SKIL: variants seen among roughly 807,000 people sequenced by gnomAD.
SKIL encodes SKI like proto-oncogene, also known as ski-like protein.
SKIL carries 20 observed loss-of-function variants against 69.6 expected under a neutral mutation model. That is an observed-to-expected ratio of 0.29 (90% CI 0.20 to 0.42). The LOEUF is 0.42. Among genes scored for constraint, SKIL ranks in the 10% least tolerant of loss-of-function variants. The pLI is 1.00. For synonymous variants in SKIL, 310 were observed against 279.9 expected, an observed-to-expected ratio of 1.11 and a Z score of -1.08; for missense variants, 745 against 783.1, an observed-to-expected ratio of 0.95 and a Z score of 0.58.
In SKIL at chr3:170,364,128, A is replaced by AT. The variant is rs1465568571; in HGVS notation, c.1098+2703dup. On this transcript the variant is annotated intron_variant, in intron 2 of 6. Transcript: ENST00000259119. ...GCCATGCCCAGCTAATTTCTTTTGT[A>AT]TTTTAGTAGAGAGGGGGTTTCACCA... 4.0e-5 allele frequency among the ~76,000 whole-genome samples: 6 copies of AT among 151,154 alleles called. No homozygotes were observed. The East Asian group carries it at 1.2e-3, about 30-fold the overall frequency.
chr3:170,368,562 T>TTA (rs1736652326), intron 2 of SKIL, among the ~76,000 whole-genome samples: 1 of 152,214 alleles, frequency 6.6e-6, no homozygotes, highest in Non-Finnish European at 1.5e-5. Context: ...ATTTTGGAAG[T>TTA]TAAGAGCCTT....
In SKIL at chr3:170,394,438, T is replaced by C. The variant is rs1256272309; in HGVS notation, c.*2021T>C. 6.6e-6 allele frequency: 1 copy of C among 151,856 alleles called. No homozygotes were observed. The highest frequency in any genetic ancestry group is 1.5e-5 in the Non-Finnish European group (1 of 68,000). The allele number at this position is 151,856 out of a possible 1,614,324, so 9.4% of individuals were successfully genotyped here. A position where few individuals can be genotyped will look rare whatever the true frequency, so the allele number is the denominator to read the frequency against. On this transcript the variant is annotated 3_prime_UTR_variant, in exon 7 of 7. Coordinates refer to ENST00000259119, the MANE Select transcript of SKIL (RefSeq NM_005414.5). ...CAGCTCAGCTTTTTGGAAGACAAACTCAAACACCTATAATTTCATTTATAT... is the reference window on the plus strand; with the variant it reads ...CAGCTCAGCTTTTTGGAAGACAAACCCAAACACCTATAATTTCATTTATAT...
intron 2 of SKIL, among the ~76,000 whole-genome samples, chr3:170,364,433 C>T (rs936197980): frequency 6.6e-6 from 1 of 150,674 alleles, no homozygotes; most frequent in African/African-American, 2.4e-5. Flanking sequence ...AAGTGATTCT[C>T]CTGTCTCAGC....
intron 2 of SKIL, among the ~76,000 whole-genome samples, chr3:170,376,592 A>T (rs1389043421): frequency 6.6e-6 from 1 of 151,722 alleles, no homozygotes; most frequent in Non-Finnish European, 1.5e-5. Context: ...TATTTTTTTA[A>T]CGAGACAGGG....
At chr3:170,386,953 T>C (rs1737662901) in intron 4 of SKIL, among the ~76,000 whole-genome samples, 1 of 152,194 alleles carries the variant, frequency 6.6e-6, no homozygotes, top group African/African-American at 2.4e-5. Flanking sequence ...TACAATTCAG[T>C]GGTTTTTAAT....
intron 6 of SKIL, 137 bp from the exon 7 acceptor site, chr3:170,392,122 A>T: frequency 1.6e-6 from 1 of 642,998 alleles, no homozygotes; most frequent in Non-Finnish European, 2.6e-6. Flanking sequence ...TAATAGTATT[A>T]GATGCTTAAT....
chr3:170,389,305 A>T (rs1293175400), intron 4 of SKIL, among the ~76,000 whole-genome samples: 3 of 148,804 alleles, frequency 2.0e-5, no homozygotes, highest in African/African-American at 7.4e-5. Flanking sequence ...TGTTGAAAAG[A>T]TTATTCTTTC....
intron 3 of SKIL, 144 bp from the exon 4 acceptor site, chr3:170,384,389 G>T: frequency 1.9e-6 from 1 of 533,438 alleles, no homozygotes; most frequent in Non-Finnish European, 3.3e-6. Context: ...ATTCTTTACT[G>T]TGACCTTTAT....
In SKIL at chr3:170,384,575, G is replaced by A; in HGVS notation, c.1239G>A (p.Val413=). 3 of 1,611,582 alleles carry A rather than the reference G, an allele frequency of 1.9e-6. No individual in the cohort carries two copies. The highest frequency in any genetic ancestry group is 8.5e-7 in the Non-Finnish European group (1 of 1,178,636). ...GTGATAAAGTGGTTGCCCCAAATGT[G>A]TCACTTACTTCTGCTGTATCCCAGT... ...YMCDKVVAPN[V]SLTSAVSQSK... Residue 413 remains valine (V), a synonymous_variant, in exon 4 of 7, where the codon GTG becomes GTA. Coordinates refer to ENST00000259119, the MANE Select transcript of SKIL (RefSeq NM_005414.5).
intron 4 of SKIL, among the ~76,000 whole-genome samples, chr3:170,387,072 C>G (rs919057616): frequency 7.2e-5 from 11 of 151,830 alleles, no homozygotes; most frequent in African/African-American, 2.4e-4. Flanking sequence ...GGCTAGAGTG[C>G]AGTGGGGTGA....
Position 170,396,143 on chromosome 3 carries a change from T to G in SKIL, c.*3726T>G, listed in dbSNP as rs1738173908. On this transcript the variant is annotated 3_prime_UTR_variant, in exon 7 of 7. Transcript: ENST00000259119. Reference sequence around the variant, plus strand: ...ATTTTTGAATTAGAAAGTGATCAAATGTAAGAAAAAAATTTAAAAATTCAG... The same window carrying G: ...ATTTTTGAATTAGAAAGTGATCAAAGGTAAGAAAAAAATTTAAAAATTCAG... 1 of 151,862 alleles carries G rather than the reference T, an allele frequency of 6.6e-6. No homozygotes were observed. 9.4% of individuals were successfully genotyped at this position (151,862 alleles called of 1,614,324 possible).
Position 170,360,084 on chromosome 3 carries a change from G to A in SKIL, c.-248G>A, listed in dbSNP as rs1048400165. 1 of 392,350 alleles carries A rather than the reference G, an allele frequency of 2.5e-6. No homozygotes were observed. The highest frequency in any genetic ancestry group is 4.5e-6 in the Non-Finnish European group (1 of 221,048). The allele number at this position is 392,350 out of a possible 1,614,324, so 24.3% of individuals were successfully genotyped here. A position where few individuals can be genotyped will look rare whatever the true frequency, so the allele number is the denominator to read the frequency against. ...AGAAAACAAAGGCATCCTCAGAGGT[G>A]TGCCTCTTTTCTTTATTATTAGAGG... On this transcript the variant is annotated 5_prime_UTR_variant, in exon 2 of 7. It adds an upstream start codon to the 5' untranslated region. Coordinates refer to ENST00000259119, the MANE Select transcript of SKIL (RefSeq NM_005414.5).
chr3:170,360,556 T>C lies in SKIL; in HGVS notation c.225T>C (p.Ser75=), dbSNP rs536242425. The C allele has an allele frequency of 1.3e-5, 21 of 1,614,252 alleles. 2 individuals carry two copies. The South Asian group carries it at 2.2e-4, about 17-fold the overall frequency. The change falls in exon 2 of 7, where the codon TCT becomes TCC. Residue 75 remains serine (S), a synonymous_variant. Coordinates refer to ENST00000259119, the MANE Select transcript of SKIL (RefSeq NM_005414.5). The part of the protein sequence containing the change: ...DGEHVKRTCT[S]VPETLHLNPS... ...AGCATGTTAAGCGAACCTGTACTTCTGTTCCTGAAACTTTGCATTTAAATC... is the reference window on the plus strand; with the variant it reads ...AGCATGTTAAGCGAACCTGTACTTCCGTTCCTGAAACTTTGCATTTAAATC...
chr3:170,366,696 G>GAC lies in SKIL; in HGVS notation c.1098+5285_1098+5286dup, dbSNP rs376902100. 9.2e-4 allele frequency among the ~76,000 whole-genome samples: 136 copies of GAC among 147,680 alleles called. 1 individual carries two copies. The highest frequency in any genetic ancestry group is 2.9e-3 in the African/African-American group (116 of 39,734). On this transcript the variant is annotated intron_variant, in intron 2 of 6. Coordinates refer to ENST00000259119, the MANE Select transcript of SKIL (RefSeq NM_005414.5). Reference sequence around the variant, plus strand: ...AAACACACACACACACACACACACAGACACACACACACACACACATACTTG... The same window carrying GAC: ...AAACACACACACACACACACACACAGACACACACACACACACACACATACTTG...
intron 2 of SKIL, among the ~76,000 whole-genome samples, chr3:170,366,106 A>G (rs1183359285): frequency 1.3e-5 from 2 of 150,084 alleles, no homozygotes; most frequent in African/African-American, 4.9e-5. Context: ...CGTGTTATGT[A>G]AAGGACCTGA....
intron 3 of SKIL, among the ~76,000 whole-genome samples, chr3:170,381,806 G>C (rs1737366421): frequency 6.6e-6 from 1 of 152,002 alleles, no homozygotes; most frequent in South Asian, 2.1e-4. Context: ...ATTAGGCTGG[G>C]CGCGGTGGCT....
rs1193061359 is a variant in SKIL at position 170,394,592 on chromosome 3, A to G, written c.*2175A>G. 6.6e-6 allele frequency: 1 copy of G among 152,196 alleles called. No individual in the cohort carries two copies. The highest frequency in any genetic ancestry group is 1.5e-5 in the Non-Finnish European group (1 of 68,034). 9.4% of individuals were successfully genotyped at this position (152,196 alleles called of 1,614,324 possible). A position where few individuals can be genotyped will look rare whatever the true frequency, so the allele number is the denominator to read the frequency against. On this transcript the variant is annotated 3_prime_UTR_variant, in exon 7 of 7. Transcript: ENST00000259119. ...TTGGAAAATTTTAAGCAGTGCTTAA[A>G]CACCATTAAATTATTATGAACTTGT... is the stretch of plus-strand genomic sequence containing the variant.
In SKIL at chr3:170,360,451, A is replaced by T; in HGVS notation, c.120A>T (p.Gly40=). The change falls in exon 2 of 7, where the codon GGA becomes GGT. Residue 40 remains glycine (G), a synonymous_variant. Coordinates refer to ENST00000259119, the MANE Select transcript of SKIL (RefSeq NM_005414.5). ...TGATAACGGACATTCATGCAAATGG[A>T]AAAACGATAAACAAGGTGCCAACAG... ...KKMITDIHAN[G]KTINKVPTVK... is the part of the protein sequence containing the mutation. 6.2e-7 allele frequency: 1 copy of T among 1,613,576 alleles called. No individual in the cohort carries two copies. The highest frequency in any genetic ancestry group is 1.3e-5 in the African/African-American group (1 of 75,028).
intron 2 of SKIL, among the ~76,000 whole-genome samples, chr3:170,368,060 G>A (rs892119095): frequency 3.9e-5 from 6 of 152,106 alleles, no homozygotes; most frequent in African/African-American, 7.2e-5. Context: ...ATTAGGCAGC[G>A]TATTTGTCAG....
Sources: gnomAD v4.1 joint callset for allele counts (sites outside exome capture counted in the v4.1 genomes callset) on GRCh38, gnomAD v4.1.1 for gene constraint, MANE v1.5 for transcripts, NCBI Gene and HGNC (gene_info 2026-07-23, HGNC 2026-07-21) for gene names.